RAB28: variants seen among roughly 807,000 people sequenced by gnomAD.
RAB28 encodes the protein ras-related protein Rab-28.
A neutral mutation model predicts 31.7 loss-of-function variants in RAB28; 24 were observed. The ratio of observed to expected loss-of-function variants is 0.76; its 90% CI spans 0.55 to 1.06. The LOEUF is 1.06. RAB28 is among the 50% of genes least tolerant of loss of function. The probability of loss-of-function intolerance (pLI) is 0.00; values close to 1 mark genes in which losing one functional copy is unlikely to be tolerated. For missense variants in RAB28, 254 were observed against 258.5 expected, an observed-to-expected ratio of 0.98 and a Z score of 0.12; for synonymous variants, 100 against 90.4, an observed-to-expected ratio of 1.11 and a Z score of -0.60.
At chr4:13,428,635 A>G (rs1446053662) in intron 4 of RAB28, among the ~76,000 whole-genome samples, 1 of 152,212 alleles carries the variant, frequency 6.6e-6, no homozygotes, top group African/African-American at 2.4e-5. Context: ...AACAGAAAGA[A>G]AAGAAGTGAA....
At chr4:13,412,482 T>C (rs893863474) in intron 4 of RAB28, among the ~76,000 whole-genome samples, 2 of 152,172 alleles carry the variant, frequency 1.3e-5, no homozygotes, top group African/African-American at 4.8e-5. Flanking sequence ...GAAAAATTAT[T>C]CTTAACCTAG....
At chr4:13,453,020 G>A (rs1080004) in intron 4 of RAB28, among the ~76,000 whole-genome samples, 14,254 of 151,904 alleles carry the variant, frequency 0.094, 1,312 homozygotes, top group African/African-American at 0.24. Flanking sequence ...ATTATTATAT[G>A]ATGTCCTCCT....
chr4:13,484,281 G>A lies in RAB28; in HGVS notation c.-131C>T, dbSNP rs1716768623. ...CCGCCCCGGTGTCTCCGCGCCGGCA[G>A]GAGGTATTCGAGGAGAATCACTCGG... On this transcript the variant is annotated 5_prime_UTR_variant, in exon 1 of 7. Transcript: ENST00000330852. The A allele has an allele frequency of 1.4e-6, 1 of 700,950 alleles. No individual in the cohort carries two copies. The highest frequency in any genetic ancestry group is 2.6e-6 in the Non-Finnish European group (1 of 389,912). 43.4% of individuals were successfully genotyped at this position (700,950 alleles called of 1,614,324 possible). A position where few individuals can be genotyped will look rare whatever the true frequency, so the allele number is the denominator to read the frequency against.
At chr4:13,384,608 C>T (rs982566059) in intron 4 of RAB28, among the ~76,000 whole-genome samples, 5 of 152,170 alleles carry the variant, frequency 3.3e-5, no homozygotes, top group African/African-American at 9.6e-5. Context: ...GGAGCTGAGG[C>T]TTGGCCCCCT....
chr4:13,400,660 C>A (rs1346408129), intron 4 of RAB28, among the ~76,000 whole-genome samples: 1 of 152,136 alleles, frequency 6.6e-6, no homozygotes, highest in East Asian at 1.9e-4. Context: ...AAAGCAAATT[C>A]ACTATTTCAT....
intron 4 of RAB28, among the ~76,000 whole-genome samples, chr4:13,419,013 G>A (rs1042289780): frequency 3.9e-5 from 6 of 152,080 alleles, no homozygotes; most frequent in South Asian, 4.2e-4. Flanking sequence ...CCCATCTCAC[G>A]TGCAGAGACA....
At chr4:13,435,812 C>T (rs1449967400) in intron 4 of RAB28, among the ~76,000 whole-genome samples, 7 of 152,124 alleles carry the variant, frequency 4.6e-5, no homozygotes, top group Admixed American at 2.0e-4. Context: ...AGAGCTGGTA[C>T]CAATCTTACT....
At chr4:13,475,919 C>T (rs1343766605) in intron 2 of RAB28, among the ~76,000 whole-genome samples, 1 of 151,478 alleles carries the variant, frequency 6.6e-6, no homozygotes, top group African/African-American at 2.4e-5. Context: ...AGTATATAAA[C>T]TAGTTTCAGA....
chr4:13,482,116 T>C (rs1037531424), intron 1 of RAB28, among the ~76,000 whole-genome samples: 2 of 152,106 alleles, frequency 1.3e-5, no homozygotes, highest in Admixed American at 6.6e-5. Flanking sequence ...CAGAGCACCA[T>C]AAAAAATATT....
chr4:13,478,072 A>T (rs908309847), intron 2 of RAB28, among the ~76,000 whole-genome samples: 5 of 151,704 alleles, frequency 3.3e-5, no homozygotes, highest in Admixed American at 2.6e-4. Flanking sequence ...TCTGTGTACA[A>T]CTGGCATCTG....
chr4:13,369,940 T>G (rs777106620), intron 6 of RAB28: 2 of 1,612,216 alleles, frequency 1.2e-6, no homozygotes, highest in Admixed American at 3.3e-5. Flanking sequence ...TTCCGGGTAC[T>G]TCACTATTTC....
intron 4 of RAB28, among the ~76,000 whole-genome samples, chr4:13,444,134 TCTC>T (rs1302390752): frequency 6.6e-6 from 1 of 151,910 alleles, no homozygotes; most frequent in Non-Finnish European, 1.5e-5. Flanking sequence ...TTCACGCCAT[TCTC>T]CTGCCTCAGC....
At chr4:13,392,863 T>C (rs1320743755) in intron 4 of RAB28, among the ~76,000 whole-genome samples, 2 of 152,190 alleles carry the variant, frequency 1.3e-5, no homozygotes, top group East Asian at 1.9e-4. Flanking sequence ...ACAATAAATA[T>C]AGTGAGTGTT....
chr4:13,469,754 T>C (rs1716032395), intron 3 of RAB28, among the ~76,000 whole-genome samples: 2 of 152,034 alleles, frequency 1.3e-5, no homozygotes, highest in Non-Finnish European at 2.9e-5. Flanking sequence ...TGGAACGCAG[T>C]CATGGCTCAC....
intron 4 of RAB28, among the ~76,000 whole-genome samples, chr4:13,436,306 A>G (rs1030608687): frequency 6.6e-6 from 1 of 152,130 alleles, no homozygotes; most frequent in African/African-American, 2.4e-5. Flanking sequence ...AAGACAAGGA[A>G]GTTCACTGTC....
Position 13,484,253 on chromosome 4 carries a change from C to A in RAB28, c.-103G>T, listed in dbSNP as rs913318661. 1 of 887,742 alleles carries A rather than the reference C, an allele frequency of 1.1e-6. No individual in the cohort carries two copies. Among genetic ancestry groups the A allele is most frequent in the Non-Finnish European group, 1.8e-6 (1 of 550,838 alleles). 55.0% of individuals were successfully genotyped at this position (887,742 alleles called of 1,614,324 possible). ...AGGAAGGGAGGTAGTTGCGGCAGGA[C>A]CCCCGCCCCGGTGTCTCCGCGCCGG... On this transcript the variant is annotated 5_prime_UTR_variant, in exon 1 of 7. Coordinates refer to ENST00000330852, the MANE Select transcript of RAB28 (RefSeq NM_001017979.3).
intron 4 of RAB28, among the ~76,000 whole-genome samples, chr4:13,414,245 T>C (rs960653076): frequency 6.6e-6 from 1 of 152,216 alleles, no homozygotes; most frequent in African/African-American, 2.4e-5. Context: ...AGTAATGTTA[T>C]TGACACATAC....
chr4:13,415,686 G>T (rs1712730315), intron 4 of RAB28, among the ~76,000 whole-genome samples: 1 of 152,070 alleles, frequency 6.6e-6, no homozygotes, highest in African/African-American at 2.4e-5. Context: ...GGGCTCCTGT[G>T]TGGCCCAAGC....
rs1301500395 is a variant in RAB28 at position 13,387,710 on chromosome 4, G to T, written c.392-6116C>A. On this transcript the variant is annotated intron_variant, in intron 4 of 6. Coordinates refer to ENST00000330852, the MANE Select transcript of RAB28 (RefSeq NM_001017979.3). ...AAATAGCTGTCTGTGAAGAATTAAA[G>T]AAAAAATGTATGTTTTCAACATGAT... Among the ~76,000 whole-genome samples the T allele has an allele frequency of 2.0e-5, 3 of 151,878 alleles. No individual in the cohort carries two copies. In the East Asian group the frequency reaches 5.8e-4, roughly 29 times the overall value.
Sources: gnomAD v4.1 joint callset for allele counts (sites outside exome capture counted in the v4.1 genomes callset) on GRCh38, gnomAD v4.1.1 for gene constraint, MANE v1.5 for transcripts, NCBI Gene and HGNC (gene_info 2026-07-23, HGNC 2026-07-21) for gene names.